Variants in PCDHA3 observed in about 807,000 individuals in gnomAD.
PCDHA3 encodes the protein protocadherin alpha 3, also known as protocadherin alpha-3.
Under a neutral mutation model 62.2 loss-of-function variants are expected in PCDHA3, and 41 were observed. The ratio of observed to expected loss-of-function variants is 0.66; its 90% CI spans 0.51 to 0.86. The LOEUF is 0.86. Among genes scored for constraint, PCDHA3 ranks in the 40% least tolerant of loss-of-function variants. PCDHA3 has a pLI of 0.00. For missense variants in PCDHA3, 1,304 were observed against 1,241.2 expected (o/e 1.05, Z -0.76); for synonymous variants, 640 against 555.4 (o/e 1.15, Z -2.14).
chr5:140,811,055 G>T (rs1295637288), intron 1 of PCDHA3: 1 of 151,942 alleles, frequency 6.6e-6, no homozygotes, highest in South Asian at 2.1e-4. Flanking sequence ...TGTGCACAAC[G>T]TGCAGGTTTG....
chr5:140,819,353 T>G (rs1766541338), intron 1 of PCDHA3, among the ~76,000 whole-genome samples: 1 of 152,170 alleles, frequency 6.6e-6, no homozygotes, highest in African/African-American at 2.4e-5. Context: ...CTTATGAAGA[T>G]TAAATTTTCT....
In PCDHA3 at chr5:140,882,469, G is replaced by C; in HGVS notation, c.2394+78878G>C. Reference sequence around the variant, plus strand: ...TGGTGCCGCGCCTGTTCCGGGTGGCGTCCAAAAGACACGGGGACCTTCTGG... The same window carrying C: ...TGGTGCCGCGCCTGTTCCGGGTGGCCTCCAAAAGACACGGGGACCTTCTGG... On this transcript the variant is annotated intron_variant, in intron 1 of 3. Coordinates refer to ENST00000522353, the MANE Select transcript of PCDHA3 (RefSeq NM_018906.3). The C allele has an allele frequency of 1.2e-6, 2 of 1,614,032 alleles. 1 individual carries two copies. Among genetic ancestry groups the C allele is most frequent in the South Asian group, 2.2e-5 (2 of 91,072 alleles).
At chr5:140,961,981 T>G (rs1408145304) in intron 1 of PCDHA3, among the ~76,000 whole-genome samples, 1 of 152,076 alleles carries the variant, frequency 6.6e-6, no homozygotes, top group African/African-American at 2.4e-5. Context: ...CCTCCTGGGT[T>G]CACGCCATTG....
At chr5:140,953,620 T>G (rs1207803220) in intron 1 of PCDHA3, among the ~76,000 whole-genome samples, 1 of 152,146 alleles carries the variant, frequency 6.6e-6, no homozygotes, top group Non-Finnish European at 1.5e-5. Context: ...CTTAGATATT[T>G]GCTTTATGTA....
intron 1 of PCDHA3, chr5:140,871,254 T>C (rs2052877149): frequency 6.8e-6 from 11 of 1,613,826 alleles, no homozygotes; most frequent in Admixed American, 1.7e-5. Context: ...TGCTGCTGTA[T>C]ACGGCGCTGT....
chr5:140,928,057 G>A, intron 1 of PCDHA3: 1 of 1,614,178 alleles, frequency 6.2e-7, no homozygotes. Context: ...TCAGCTGACG[G>A]CTTCCTTTGA....
intron 1 of PCDHA3, chr5:140,928,706 A>T: frequency 6.2e-7 from 1 of 1,613,858 alleles, no homozygotes; most frequent in Non-Finnish European, 8.5e-7. Flanking sequence ...CGGGCGTCTG[A>T]CTCTAGTCTC....
chr5:140,850,953 C>A (rs2150503765), intron 1 of PCDHA3: 2 of 1,483,986 alleles, frequency 1.3e-6, no homozygotes, highest in Non-Finnish European at 1.8e-6. Context: ...TTATCGATTA[C>A]TCCCAGGGGC....
rs192109857 is a variant in PCDHA3 at position 140,852,433 on chromosome 5, G to A, written c.2394+48842G>A. 4.2e-4 allele frequency: 75 copies of A among 180,184 alleles called. 1 individual carries two copies. The East Asian group carries it at 0.014, about 33-fold the overall frequency. The allele number at this position is 180,184 out of a possible 1,614,324, so 11.2% of individuals were successfully genotyped here. A position where few individuals can be genotyped will look rare whatever the true frequency, so the allele number is the denominator to read the frequency against. The stretch of plus-strand genomic sequence containing the variant: ...GCTGGGATTATAGGCACATGCCACC[G>A]CGCCCAGCTAATTTTTGTATTTTTA... On this transcript the variant is annotated intron_variant, in intron 1 of 3. Transcript: ENST00000522353.
At chr5:141,007,991 A>G (rs1276879326) in intron 3 of PCDHA3, among the ~76,000 whole-genome samples, 1 of 152,234 alleles carries the variant, frequency 6.6e-6, no homozygotes, top group Non-Finnish European at 1.5e-5. Context: ...TATGAAATGT[A>G]CATGTTAATA....
At chr5:140,913,862 T>G (rs1554196081) in intron 1 of PCDHA3, among the ~76,000 whole-genome samples, 1 of 152,218 alleles carries the variant, frequency 6.6e-6, no homozygotes, top group African/African-American at 2.4e-5. Flanking sequence ...GCATATTGTT[T>G]AATTTCCATG....
intron 1 of PCDHA3, among the ~76,000 whole-genome samples, chr5:140,949,801 C>T (rs964520875): frequency 6.6e-5 from 10 of 151,836 alleles, no homozygotes; most frequent in African/African-American, 2.4e-4. Context: ...TCCTTCAATA[C>T]ATTATTTGCT....
chr5:140,829,467 A>G, intron 1 of PCDHA3: 6 of 1,613,844 alleles, frequency 3.7e-6, no homozygotes, highest in Non-Finnish European at 5.1e-6. Flanking sequence ...GCGCAGCCCG[A>G]GTACACAGTG....
intron 1 of PCDHA3, chr5:140,842,749 G>T (rs2150343608): frequency 5.6e-6 from 9 of 1,594,902 alleles, no homozygotes; most frequent in African/African-American, 5.4e-5. Flanking sequence ...ACATCTTCAC[G>T]GTGTCTGCGC....
intron 1 of PCDHA3, chr5:140,870,468 A>G: frequency 1.2e-6 from 2 of 1,614,214 alleles, no homozygotes; most frequent in Non-Finnish European, 8.5e-7. Flanking sequence ...CTGCGTTCGC[A>G]CAGCCCGAGT....
intron 3 of PCDHA3, among the ~76,000 whole-genome samples, chr5:141,006,105 G>GTT (rs79904017): frequency 1.9e-4 from 27 of 143,364 alleles, no homozygotes; most frequent in Middle Eastern, 3.8e-3. Flanking sequence ...ATGGTAAGGA[G>GTT]TTTTTTTTTT....
In PCDHA3 at chr5:140,843,229, C is replaced by T. The variant is rs2150355539; in HGVS notation, c.2394+39638C>T. ...CGGGCGAGATCAGCACCACTCGTGT[C>T]CTGGACGAAGCGGACTCTCCGCGCC... is the stretch of plus-strand genomic sequence containing the variant. On this transcript the variant is annotated intron_variant, in intron 1 of 3. Transcript: ENST00000522353. The T allele has an allele frequency of 3.8e-6, 6 of 1,596,144 alleles. 1 individual carries two copies. Among genetic ancestry groups the T allele is most frequent in the East Asian group, 4.5e-5 (2 of 44,818 alleles).
At chr5:140,829,918 T>A in intron 1 of PCDHA3, 1 of 1,613,992 alleles carries the variant, frequency 6.2e-7, no homozygotes, top group Non-Finnish European at 8.5e-7. Context: ...GGCTTTCGTA[T>A]GAGCTGCAGC....
chr5:140,860,129 G>GTGTGTATATATATGTATATA (rs1554153065), intron 1 of PCDHA3: 1 of 150,592 alleles, frequency 6.6e-6, no homozygotes, highest in Non-Finnish European at 1.5e-5. Context: ...TACTGTGTGT[G>GTGTGTATATATATGTATATA]TGTGTATATA....
Sources: allele counts gnomAD v4.1 joint callset (sites outside exome capture counted in the v4.1 genomes callset), GRCh38; gene constraint gnomAD v4.1.1; transcripts MANE v1.5; gene names NCBI Gene and HGNC (gene_info 2026-07-23, HGNC 2026-07-21).